Variants in CSTF3 observed in about 807,000 individuals in gnomAD.
CSTF3 encodes the protein CF-1 77 kDa subunit.
A neutral mutation model predicts 105.8 loss-of-function variants in CSTF3; 29 were observed. The ratio of observed to expected loss-of-function variants is 0.27; its 90% CI spans 0.20 to 0.37. CSTF3 has a LOEUF of 0.37. CSTF3 is among the 10% of genes least tolerant of loss of function. The pLI is 1.00. For synonymous variants in CSTF3, 252 were observed against 281.9 expected, an observed-to-expected ratio of 0.89 and a Z score of 1.06; for missense variants, 357 against 879.3, an observed-to-expected ratio of 0.41 and a Z score of 7.51.
chr11:33,116,123 T>C (rs1312892360), intron 3 of CSTF3, among the ~76,000 whole-genome samples: 1 of 152,188 alleles, frequency 6.6e-6, no homozygotes, highest in Non-Finnish European at 1.5e-5. Flanking sequence ...TGAAATGTGC[T>C]AAACAAAACT....
At chr11:33,146,753 C>T (rs585813) in intron 1 of CSTF3, among the ~76,000 whole-genome samples, 4,426 of 151,838 alleles carry the variant, frequency 0.029, 96 homozygotes, top group Middle Eastern at 0.059. Flanking sequence ...TTTTCTTATT[C>T]GTCTGAGAAA....
chr11:33,139,692 A>T (rs563523982), intron 3 of CSTF3, among the ~76,000 whole-genome samples: 1 of 152,066 alleles, frequency 6.6e-6, no homozygotes, highest in South Asian at 2.1e-4. Flanking sequence ...AAATATACAT[A>T]TATATTATTT....
intron 1 of CSTF3, among the ~76,000 whole-genome samples, chr11:33,144,346 T>C (rs1415113589): frequency 6.6e-6 from 1 of 152,222 alleles, no homozygotes; most frequent in Non-Finnish European, 1.5e-5. Context: ...ATTAGGATGC[T>C]TTCCTAACAT....
intron 3 of CSTF3, among the ~76,000 whole-genome samples, chr11:33,130,692 A>G (rs1384456331): frequency 3.3e-5 from 5 of 152,202 alleles, no homozygotes; most frequent in Admixed American, 1.3e-4. Context: ...AAACAGATGT[A>G]AAAATTACTG....
chr11:33,133,127 A>G (rs185199150), intron 3 of CSTF3, among the ~76,000 whole-genome samples: 236 of 152,326 alleles, frequency 1.5e-3, no homozygotes, highest in Non-Finnish European at 2.4e-3. Context: ...AATGAAAAAA[A>G]TCATGGTAGG....
At position 33,085,878 on chromosome 11, in the gene CSTF3, A is replaced by AAAAT. The variant is rs745746853; in HGVS notation, c.1890+13_1890+16dup. The AAAAT allele has an allele frequency of 6.3e-7, 1 of 1,581,704 alleles. No individual in the cohort carries two copies. The highest frequency in any genetic ancestry group is 1.2e-5 in the South Asian group (1 of 85,136). ...ACCCACAGAGCCAGTATCTACCATG[A>AAAAT]AAATAAGTGAACAAACCTGGAAACA... On this transcript the variant is annotated intron_variant, in intron 19 of 20. Coordinates refer to ENST00000323959, the MANE Select transcript of CSTF3 (RefSeq NM_001326.3).
intron 3 of CSTF3, among the ~76,000 whole-genome samples, chr11:33,122,553 CTT>C (rs1397000338): frequency 6.6e-6 from 1 of 151,918 alleles, no homozygotes; most frequent in Non-Finnish European, 1.5e-5. Context: ...AACATTAAGA[CTT>C]AATTAAAATG....
intron 3 of CSTF3, among the ~76,000 whole-genome samples, chr11:33,111,961 T>A (rs1289051378): frequency 3.3e-5 from 5 of 152,136 alleles, no homozygotes; most frequent in African/African-American, 1.2e-4. Context: ...AAAATACTTT[T>A]AAAAATCATT....
At chr11:33,087,780 C>T (rs184739438) in intron 17 of CSTF3, among the ~76,000 whole-genome samples, 8 of 152,318 alleles carry the variant, frequency 5.3e-5, no homozygotes, top group African/African-American at 1.7e-4. Flanking sequence ...CCAGGTCACA[C>T]AGCTAATAAG....
intron 1 of CSTF3, among the ~76,000 whole-genome samples, chr11:33,148,044 A>G (rs1288289463): frequency 6.6e-6 from 1 of 152,160 alleles, no homozygotes; most frequent in Admixed American, 6.5e-5. Flanking sequence ...TATTTAAATT[A>G]CTTTAGTGTT....
Position 33,124,693 on chromosome 11 carries a change from G to A in CSTF3, c.226-16275C>T, listed in dbSNP as rs555569813. On this transcript the variant is annotated intron_variant, in intron 3 of 20. Transcript: ENST00000323959. ...ACCTGGATACTTAATAAATGAGCTTGTAATTTAATATATGTATTTAAGTTA... is the reference window on the plus strand; with the variant it reads ...ACCTGGATACTTAATAAATGAGCTTATAATTTAATATATGTATTTAAGTTA... Among the ~76,000 whole-genome samples the A allele has an allele frequency of 8.5e-5, 13 of 152,224 alleles. No homozygotes were observed. In the East Asian group the frequency reaches 2.3e-3, roughly 27 times the overall value.
rs1050787555 is a variant in CSTF3 at position 33,116,401 on chromosome 11, C to T, written c.226-7983G>A. Reference sequence around the variant, plus strand: ...TGTATGCTCTATGTCCTATAAGATTCAGAGGAAAAGGTGTTCCATGCAAAC... The same window carrying T: ...TGTATGCTCTATGTCCTATAAGATTTAGAGGAAAAGGTGTTCCATGCAAAC... On this transcript the variant is annotated intron_variant, in intron 3 of 20. Coordinates refer to ENST00000323959, the MANE Select transcript of CSTF3 (RefSeq NM_001326.3). Among the ~76,000 whole-genome samples the T allele has an allele frequency of 2.0e-5, 3 of 151,936 alleles. No homozygotes were observed. In the South Asian group the frequency reaches 6.2e-4, roughly 32 times the overall value.
At chr11:33,155,590 C>G (rs933902971) in intron 1 of CSTF3, among the ~76,000 whole-genome samples, 3 of 152,084 alleles carry the variant, frequency 2.0e-5, no homozygotes, top group Admixed American at 1.3e-4. Context: ...TAAACTAAGT[C>G]AAACATTAGA....
intron 3 of CSTF3, among the ~76,000 whole-genome samples, chr11:33,119,229 C>T (rs1053638462): frequency 6.6e-6 from 1 of 151,794 alleles, no homozygotes; most frequent in Admixed American, 6.6e-5. Context: ...ATTTCCTCTA[C>T]TTGAGATATT....
intron 8 of CSTF3, 79 bp downstream of exon 8, chr11:33,105,488 G>A (rs1457193802): frequency 1.4e-5 from 19 of 1,316,568 alleles, no homozygotes; most frequent in Non-Finnish European, 2.0e-5. Flanking sequence ...ATACAGAAAG[G>A]CTATAATCTA....
At chr11:33,159,314 G>A (rs564935821) in intron 1 of CSTF3, among the ~76,000 whole-genome samples, 138 of 151,980 alleles carry the variant, frequency 9.1e-4, no homozygotes, top group South Asian at 2.1e-3. Flanking sequence ...ACAAAAATTA[G>A]GCCAGGTACG....
intron 8 of CSTF3, among the ~76,000 whole-genome samples, chr11:33,103,886 T>C (rs1855303377): frequency 6.6e-6 from 1 of 152,198 alleles, no homozygotes; most frequent in Non-Finnish European, 1.5e-5. Context: ...CAGGCTACAG[T>C]GCAGTGGTGC....
intron 5 of CSTF3, among the ~76,000 whole-genome samples, chr11:33,106,411 G>A (rs188875451): frequency 6.6e-6 from 1 of 151,702 alleles, no homozygotes; most frequent in Non-Finnish European, 1.5e-5. Flanking sequence ...GCAAGACCCT[G>A]TCTCTAAAAA....
At chr11:33,139,556 T>C (rs138939103) in intron 3 of CSTF3, among the ~76,000 whole-genome samples, 23 of 151,634 alleles carry the variant, frequency 1.5e-4, no homozygotes, top group Admixed American at 1.4e-3. Context: ...AACAAAAATA[T>C]AGAATGTGAA....
Sources: allele counts gnomAD v4.1 joint callset (sites outside exome capture counted in the v4.1 genomes callset), GRCh38; gene constraint gnomAD v4.1.1; transcripts MANE v1.5; gene names NCBI Gene and HGNC (gene_info 2026-07-23, HGNC 2026-07-21).